Variants in TULP4 observed in about 807,000 individuals in gnomAD.
TULP4 encodes tubby-related protein 4.
TULP4 carries 16 observed loss-of-function variants against 129.0 expected under a neutral mutation model. That is an observed-to-expected ratio of 0.12 (90% CI 0.08 to 0.19). TULP4 has a LOEUF of 0.19. TULP4 is among the 10% of genes least tolerant of loss of function. The pLI is 1.00. For missense variants in TULP4, 1,842 were observed against 2,059.1 expected (o/e 0.89, Z 2.04); for synonymous variants, 998 against 854.0 (o/e 1.17, Z -2.94).
chr6:158,337,128 CTTTTTTTTTT>C (rs34480077), intron 1 of TULP4, among the ~76,000 whole-genome samples: 1 of 73,852 alleles, frequency 1.4e-5, no homozygotes, highest in East Asian at 5.2e-4. Context: ...CTTTCTTTCT[CTTTTTTTTTT>C]TTTTTTTTTT....
intron 6 of TULP4, among the ~76,000 whole-genome samples, chr6:158,471,880 C>G (rs956641631): frequency 1.3e-5 from 2 of 152,292 alleles, no homozygotes; most frequent in South Asian, 4.1e-4. Flanking sequence ...TAGGCTGTGT[C>G]ACATTTATAA....
intron 1 of TULP4, among the ~76,000 whole-genome samples, chr6:158,365,899 C>CTTTTTTTTTTTTTT (rs5881257): frequency 3.5e-5 from 2 of 57,542 alleles, no homozygotes; most frequent in Non-Finnish European, 5.8e-5. Context: ...CTTTTTCTTT[C>CTTTTTTTTTTTTTT]TTTTTTTTTT....
chr6:158,345,276 G>A (rs1780274366), intron 1 of TULP4, among the ~76,000 whole-genome samples: 1 of 152,216 alleles, frequency 6.6e-6, no homozygotes, highest in African/African-American at 2.4e-5. Flanking sequence ...AGCCTTCCAA[G>A]TAGCTGGGAC....
At chr6:158,422,640 G>A (rs746683943) in intron 2 of TULP4, among the ~76,000 whole-genome samples, 1 of 152,166 alleles carries the variant, frequency 6.6e-6, no homozygotes, top group African/African-American at 2.4e-5. Flanking sequence ...AGAGATAGAG[G>A]GAGAGGAGGC....
At chr6:158,441,301 G>A (rs1562567163) in intron 3 of TULP4, among the ~76,000 whole-genome samples, 2 of 152,110 alleles carry the variant, frequency 1.3e-5, no homozygotes, top group Non-Finnish European at 2.9e-5. Flanking sequence ...TGACAAGAGT[G>A]AAACTCTATC....
chr6:158,457,360 C>G (rs1285371124), intron 5 of TULP4, among the ~76,000 whole-genome samples: 1 of 152,184 alleles, frequency 6.6e-6, no homozygotes, highest in African/African-American at 2.4e-5. Context: ...TCAGCCAGCA[C>G]ACTTCATTTT....
intron 3 of TULP4, among the ~76,000 whole-genome samples, chr6:158,432,330 AT>A (rs1337093586): frequency 1.3e-5 from 2 of 151,984 alleles, no homozygotes; most frequent in Non-Finnish European, 2.9e-5. Context: ...GGCCAGCCTG[AT>A]GTCTGTAATG....
chr6:158,323,536 C>CCAAA (rs1779682054), intron 1 of TULP4, among the ~76,000 whole-genome samples: 1 of 151,740 alleles, frequency 6.6e-6, no homozygotes, highest in Admixed American at 6.6e-5. Flanking sequence ...TGCTAGGTGA[C>CCAAA]CACATCTACC....
rs75941429 is a variant in TULP4, at chr6:158,444,436, G to C, written c.544-4560G>C. Among the ~76,000 whole-genome samples the C allele has an allele frequency of 2.9e-3, 442 of 151,970 alleles. 3 individuals carry two copies. The highest frequency in any genetic ancestry group is 0.01 in the African/African-American group (423 of 41,438). ...TTTTAATGTATTCCCCCAGCCTTCAGTCATAAAAGCAAATAAGTGGGAAAA... is the reference window on the plus strand; with the variant it reads ...TTTTAATGTATTCCCCCAGCCTTCACTCATAAAAGCAAATAAGTGGGAAAA... On this transcript the variant is annotated intron_variant, in intron 3 of 13. Coordinates refer to ENST00000367097, the MANE Select transcript of TULP4 (RefSeq NM_020245.5).
At chr6:158,418,145 C>T (rs1778256873) in intron 2 of TULP4, among the ~76,000 whole-genome samples, 1 of 146,554 alleles carries the variant, frequency 6.8e-6, no homozygotes, top group Non-Finnish European at 1.5e-5. Flanking sequence ...GTCTCTCTGT[C>T]ACCCAGGCTG....
intron 1 of TULP4, among the ~76,000 whole-genome samples, chr6:158,332,166 T>C (rs1355667730): frequency 4.1e-5 from 2 of 48,702 alleles, no homozygotes; most frequent in Non-Finnish European, 7.8e-5. Context: ...AGTAAGACTC[T>C]GTCAAAAAAA....
At chr6:158,430,005 C>A in intron 3 of TULP4, 108 bp downstream of exon 3, 2 of 1,074,146 alleles carry the variant, frequency 1.9e-6, no homozygotes, top group South Asian at 2.5e-5. Flanking sequence ...TTAAGAATCA[C>A]AATGGAAAAG....
chr6:158,318,584 A>G (rs1011486993), intron 1 of TULP4, among the ~76,000 whole-genome samples: 5 of 152,230 alleles, frequency 3.3e-5, no homozygotes, highest in Non-Finnish European at 4.4e-5. Context: ...AAATTCATGC[A>G]GCTTGTATGG....
chr6:158,372,438 A>G (rs1473058936), intron 1 of TULP4, among the ~76,000 whole-genome samples: 2 of 152,132 alleles, frequency 1.3e-5, no homozygotes. Context: ...GTAATAGCAG[A>G]AATATCATTG....
At chr6:158,439,700 CTTTTTTTTT>C (rs71030170) in intron 3 of TULP4, among the ~76,000 whole-genome samples, 14 of 68,232 alleles carry the variant, frequency 2.1e-4, no homozygotes, top group African/African-American at 4.8e-4. Flanking sequence ...ACTAGAGTTT[CTTTTTTTTT>C]TTTTTTTTTT....
At chr6:158,492,518 C>T (rs77508964) in intron 9 of TULP4, among the ~76,000 whole-genome samples, 1 of 152,006 alleles carries the variant, frequency 6.6e-6, no homozygotes, top group African/African-American at 2.4e-5. Context: ...GTGCTTTTTT[C>T]CCATTATGTA....
At chr6:158,251,167 TG>T (rs1778132960) in intron 1 of TULP4, among the ~76,000 whole-genome samples, 1 of 152,240 alleles carries the variant, frequency 6.6e-6, no homozygotes, top group South Asian at 2.1e-4. Context: ...CCTTAAGTAC[TG>T]TCTGTTACCA....
intron 1 of TULP4, among the ~76,000 whole-genome samples, chr6:158,336,364 C>T (rs1345713420): frequency 6.6e-6 from 1 of 152,164 alleles, no homozygotes; most frequent in Non-Finnish European, 1.5e-5. Context: ...CAAATGTCTT[C>T]TCTCAATTTG....
At chr6:158,292,302 T>C (rs1168640752) in intron 1 of TULP4, among the ~76,000 whole-genome samples, 1 of 152,222 alleles carries the variant, frequency 6.6e-6, no homozygotes, top group Non-Finnish European at 1.5e-5. Flanking sequence ...GGGACTTTCA[T>C]TGCTAACACT....
Sources: gnomAD v4.1 joint callset for allele counts (sites outside exome capture counted in the v4.1 genomes callset) on GRCh38, gnomAD v4.1.1 for gene constraint, MANE v1.5 for transcripts, NCBI Gene and HGNC (gene_info 2026-07-23, HGNC 2026-07-21) for gene names.